The following PCDH15 variants were observed in gnomAD, a reference collection of about 807,000 sequenced individuals.
The protein encoded by PCDH15 is protocadherin-15.
A neutral mutation model predicts 178.5 loss-of-function variants in PCDH15; 129 were observed. That is an observed-to-expected ratio of 0.72 (90% CI 0.63 to 0.84). The LOEUF is 0.84. PCDH15 is among the 40% of genes least tolerant of loss of function. PCDH15 has a pLI of 0.00. For missense variants in PCDH15, 2,230 were observed against 2,099.9 expected, an observed-to-expected ratio of 1.06 and a Z score of -1.21; for synonymous variants, 800 against 732.0, an observed-to-expected ratio of 1.09 and a Z score of -1.50.
intron 26 of PCDH15, among the ~76,000 whole-genome samples, chr10:53,888,300 A>ATATATG (rs1554845155): frequency 1.1e-4 from 9 of 82,006 alleles, no homozygotes; most frequent in Admixed American, 1.7e-4. Flanking sequence ...ACATATATAT[A>ATATATG]TATATATATG....
chr10:55,117,827 G>T (rs972007109), intron 2 of PCDH15, among the ~76,000 whole-genome samples: 4 of 152,078 alleles, frequency 2.6e-5, no homozygotes, highest in African/African-American at 9.7e-5. Flanking sequence ...GTCAATTTTG[G>T]TTTTTATTTT....
At chr10:54,681,752 A>G (rs1043247921) in intron 1 of PCDH15, among the ~76,000 whole-genome samples, 2 of 152,216 alleles carry the variant, frequency 1.3e-5, no homozygotes, top group African/African-American at 4.8e-5. Context: ...CAGTGGGGAC[A>G]ATGAGTCCAT....
chr10:54,932,832 C>T (rs947789944), intron 2 of PCDH15, among the ~76,000 whole-genome samples: 1 of 152,058 alleles, frequency 6.6e-6, no homozygotes, highest in African/African-American at 2.4e-5. Context: ...CCACTGCGTC[C>T]AGCCCATGTT....
At chr10:54,118,474 C>T (rs908175524) in intron 15 of PCDH15, among the ~76,000 whole-genome samples, 3 of 152,050 alleles carry the variant, frequency 2.0e-5, no homozygotes, top group African/African-American at 7.2e-5. Flanking sequence ...TCCTGGCTAA[C>T]ACAGTGAAAC....
chr10:54,659,704 A>G (rs942449031), intron 2 of PCDH15, among the ~76,000 whole-genome samples: 1 of 151,654 alleles, frequency 6.6e-6, no homozygotes, highest in African/African-American at 2.4e-5. Flanking sequence ...CAGTGAGCTG[A>G]GATAGCACCA....
At chr10:54,982,917 C>T (rs1839275646) in intron 2 of PCDH15, among the ~76,000 whole-genome samples, 1 of 152,020 alleles carries the variant, frequency 6.6e-6, no homozygotes, top group African/African-American at 2.4e-5. Context: ...TAGATTCTAT[C>T]CCTGTGTTAC....
At chr10:55,467,966 CAAAA>C (rs71463104) in intron 2 of PCDH15, among the ~76,000 whole-genome samples, 75 of 36,634 alleles carry the variant, frequency 2.0e-3, no homozygotes, top group African/African-American at 7.1e-3. Flanking sequence ...GACTCCGTCT[CAAAA>C]AAAAAAAAAA....
chr10:54,833,033 A>G (rs1389464119), intron 3 of PCDH15, among the ~76,000 whole-genome samples: 1 of 152,172 alleles, frequency 6.6e-6, no homozygotes, highest in African/African-American at 2.4e-5. Flanking sequence ...AAAGCAAAAT[A>G]TATTATTTAT....
At chr10:54,341,030 A>G (rs1439465526) in intron 6 of PCDH15, among the ~76,000 whole-genome samples, 1 of 152,060 alleles carries the variant, frequency 6.6e-6, no homozygotes, top group African/African-American at 2.4e-5. Flanking sequence ...AGTGTTTTCT[A>G]TCTATTGGGA....
chr10:54,356,290 AT>A (rs1336844899), intron 5 of PCDH15, among the ~76,000 whole-genome samples: 1 of 152,020 alleles, frequency 6.6e-6, no homozygotes, highest in Non-Finnish European at 1.5e-5. Flanking sequence ...ATTTAGAGAC[AT>A]TTTATACACT....
At chr10:54,510,824 T>C (rs1236641655) in intron 3 of PCDH15, among the ~76,000 whole-genome samples, 2 of 152,216 alleles carry the variant, frequency 1.3e-5, no homozygotes, top group Admixed American at 6.6e-5. Context: ...GTTTCCCTTT[T>C]TTCCACGTCT....
chr10:54,975,930 A>T (rs956145475), intron 2 of PCDH15, among the ~76,000 whole-genome samples: 2 of 152,126 alleles, frequency 1.3e-5, no homozygotes, highest in Non-Finnish European at 2.9e-5. Flanking sequence ...TTTAGAACGC[A>T]AGTTTTTTTT....
chr10:55,168,734 G>A (rs944107579), intron 1 of PCDH15, among the ~76,000 whole-genome samples: 17 of 152,144 alleles, frequency 1.1e-4, no homozygotes, highest in African/African-American at 4.1e-4. Flanking sequence ...GATAAAAGAT[G>A]AATGAAAGAT....
intron 1 of PCDH15, among the ~76,000 whole-genome samples, chr10:55,194,801 G>T (rs1248085293): frequency 6.6e-6 from 1 of 151,624 alleles, no homozygotes; most frequent in African/African-American, 2.4e-5. Context: ...TGAATGAGAA[G>T]CACTACTGTA....
chr10:55,445,835 G>A (rs1839302662), intron 2 of PCDH15, among the ~76,000 whole-genome samples: 1 of 152,044 alleles, frequency 6.6e-6, no homozygotes, highest in Non-Finnish European at 1.5e-5. Context: ...TCATACAGTT[G>A]TATCCCACTA....
chr10:54,421,246 G>C (rs893494877), intron 3 of PCDH15, among the ~76,000 whole-genome samples: 2 of 150,332 alleles, frequency 1.3e-5, no homozygotes, highest in Non-Finnish European at 3.0e-5. Context: ...AAGCTAAAAT[G>C]TCATGAAATG....
At chr10:55,557,630 G>A (rs114394816) in intron 2 of PCDH15, among the ~76,000 whole-genome samples, 3,014 of 152,082 alleles carry the variant, frequency 0.02, 106 homozygotes, top group African/African-American at 0.069. Context: ...ACCAAGTAAT[G>A]GAGGTGAAAA....
intron 2 of PCDH15, among the ~76,000 whole-genome samples, chr10:55,363,699 G>A (rs1361978515): frequency 6.6e-6 from 1 of 151,954 alleles, no homozygotes; most frequent in Non-Finnish European, 1.5e-5. Flanking sequence ...GCAATGGCGC[G>A]ATATCGGCTC....
intron 2 of PCDH15, among the ~76,000 whole-genome samples, chr10:55,352,756 T>G (rs1485209921): frequency 2.6e-5 from 4 of 152,102 alleles, no homozygotes; most frequent in Non-Finnish European, 5.9e-5. Context: ...GGATTTTATA[T>G]GACAACCGGT....
Sources: allele counts gnomAD v4.1 joint callset (sites outside exome capture counted in the v4.1 genomes callset), GRCh38; gene constraint gnomAD v4.1.1; transcripts MANE v1.5; gene names NCBI Gene and HGNC (gene_info 2026-07-23, HGNC 2026-07-21).